Variants in KIAA1328 observed in about 807,000 individuals in gnomAD.
KIAA1328 encodes the protein KIAA1328, also known as protein hinderin.
A neutral mutation model predicts 68.1 loss-of-function variants in KIAA1328; 52 were observed. That is an observed-to-expected ratio of 0.76 (90% CI 0.61 to 0.96). The LOEUF (loss-of-function observed/expected upper bound fraction) is 0.96, where lower values mean the gene tolerates loss of function less well. Ranked by LOEUF, KIAA1328 falls within the 40% of genes least tolerant of loss-of-function variation. The pLI is 0.00. For synonymous variants in KIAA1328, 232 were observed against 239.4 expected (o/e 0.97, Z 0.28); for missense variants, 641 against 677.6 (o/e 0.95, Z 0.60).
In KIAA1328 at chr18:37,160,237, A is replaced by T; in HGVS notation, c.1270A>T (p.Thr424Ser). 1 of 1,613,328 alleles carries T rather than the reference A, an allele frequency of 6.2e-7. No individual in the cohort carries two copies. The highest frequency in any genetic ancestry group is 8.5e-7 in the Non-Finnish European group (1 of 1,179,592). Residue 424 changes from threonine to serine, a missense_variant, in exon 8 of 10, where the codon ACA (threonine) becomes TCA (serine). Coordinates refer to ENST00000280020, the MANE Select transcript of KIAA1328 (RefSeq NM_020776.3). Reference sequence around the variant, plus strand: ...AAACTGTGATGGCTGGCTGCTTGGAACATCATCATCTATTAAAAAGCACCA... The same window carrying T: ...AAACTGTGATGGCTGGCTGCTTGGATCATCATCATCTATTAAAAAGCACCA... The part of the protein sequence containing the change: ...KSNCDGWLLG[T>S]SSSIKKHQDP...
intron 4 of KIAA1328, among the ~76,000 whole-genome samples, chr18:36,855,111 G>C (rs1027431681): frequency 5.9e-5 from 9 of 152,076 alleles, no homozygotes; most frequent in Non-Finnish European, 8.8e-5. Context: ...GTGCTGTTAT[G>C]AACATTTATG....
intron 3 of KIAA1328, among the ~76,000 whole-genome samples, chr18:36,837,966 A>G (rs1435571524): frequency 6.6e-6 from 1 of 152,174 alleles, no homozygotes; most frequent in African/African-American, 2.4e-5. Flanking sequence ...GGAATTAGGA[A>G]GTATAAGTCC....
chr18:36,919,852 C>T lies in KIAA1328; in HGVS notation c.448+34180C>T, dbSNP rs751604162. 4.6e-5 allele frequency among the ~76,000 whole-genome samples: 7 copies of T among 152,180 alleles called. 1 individual carries two copies. The highest frequency in any genetic ancestry group is 9.6e-5 in the African/African-American group (4 of 41,536). On this transcript the variant is annotated intron_variant, in intron 5 of 9. Transcript: ENST00000280020. Reference sequence around the variant, plus strand: ...GAACTTTTTAAAATATATTTGTTGGCTGCATCTTTGTTTTCCTTTGAGAAG... The same window carrying T: ...GAACTTTTTAAAATATATTTGTTGGTTGCATCTTTGTTTTCCTTTGAGAAG...
intron 5 of KIAA1328, among the ~76,000 whole-genome samples, chr18:36,928,317 T>C (rs1344252072): frequency 6.6e-6 from 1 of 152,156 alleles, no homozygotes; most frequent in East Asian, 1.9e-4. Context: ...GAGTATGGAC[T>C]CTGGTGTGAC....
intron 9 of KIAA1328, among the ~76,000 whole-genome samples, chr18:37,220,827 G>C (rs1330414418): frequency 6.6e-6 from 1 of 152,142 alleles, no homozygotes; most frequent in Non-Finnish European, 1.5e-5. Context: ...TGTTTGGTTG[G>C]TTGGTTGGTT....
chr18:37,226,668 C>G (rs531346986), downstream of KIAA1328, among the ~76,000 whole-genome samples: 77 of 148,348 alleles, frequency 5.2e-4, no homozygotes, highest in African/African-American at 1.7e-3. Context: ...GAATATATGA[C>G]ATTTTTGTTT....
chr18:37,222,950 T>C lies in KIAA1328; in HGVS notation c.*723T>C, dbSNP rs1441294497. On this transcript the variant is annotated 3_prime_UTR_variant, in exon 10 of 10. Coordinates refer to ENST00000280020, the MANE Select transcript of KIAA1328 (RefSeq NM_020776.3). ...CAGTGGAGGCACAAGCCTGAAGCAC[T>C]CTTCTACCAATGTTTGGGTGACCAC... The C allele has an allele frequency of 1.9e-5, 19 of 985,352 alleles. No homozygotes were observed. The highest frequency in any genetic ancestry group is 2.3e-5 in the Non-Finnish European group (19 of 830,044). 61.0% of individuals were successfully genotyped at this position (985,352 alleles called of 1,614,324 possible).
intron 5 of KIAA1328, among the ~76,000 whole-genome samples, chr18:36,953,425 T>TAG (rs1598807539): frequency 6.7e-6 from 1 of 149,114 alleles, no homozygotes; most frequent in East Asian, 2.0e-4. Context: ...TAGATAGAGA[T>TAG]AGATAGATAT....
intron 5 of KIAA1328, among the ~76,000 whole-genome samples, chr18:36,945,392 C>G (rs917625720): frequency 1.3e-5 from 2 of 150,800 alleles, no homozygotes; most frequent in African/African-American, 4.9e-5. Context: ...ACAATAACCG[C>G]CCCCCCCACG....
At chr18:37,071,959 A>G (rs1421276560) in intron 7 of KIAA1328, among the ~76,000 whole-genome samples, 1 of 152,220 alleles carries the variant, frequency 6.6e-6, no homozygotes, top group Non-Finnish European at 1.5e-5. Flanking sequence ...CTAAACCAAA[A>G]AAAGCCTAAA....
At position 36,960,262 on chromosome 18, in the gene KIAA1328, G is replaced by A. The variant is rs147144033; in HGVS notation, c.576+827G>A. On this transcript the variant is annotated intron_variant, in intron 6 of 9. Transcript: ENST00000280020. ...GCTGCAGCCCGGCAGGGGGAGGGGC[G>A]TCGACCATTGCTGAGGCTTCAGTAG... Among the ~76,000 whole-genome samples, 76 of 152,298 alleles carry A rather than the reference G, an allele frequency of 5.0e-4. 2 individuals carry two copies. The South Asian group carries it at 0.016, about 31-fold the overall frequency.
Position 37,224,845 on chromosome 18 carries a change from G to A in KIAA1328, c.*2618G>A, listed in dbSNP as rs957750670. On this transcript the variant is annotated 3_prime_UTR_variant, in exon 10 of 10. Transcript: ENST00000280020. ...CCACCCTGCTGCCCAACTCCTGTGA[G>A]AGAAAAACCAATCAATGTTTACAAA... The A allele has an allele frequency of 1.0e-6, 1 of 985,366 alleles. No homozygotes were observed. Among genetic ancestry groups the A allele is most frequent in the Non-Finnish European group, 1.2e-6 (1 of 829,986 alleles). The allele number at this position is 985,366 out of a possible 1,614,324, so 61.0% of individuals were successfully genotyped here.
At chr18:36,904,172 C>T (rs993878609) in intron 5 of KIAA1328, among the ~76,000 whole-genome samples, 1 of 151,982 alleles carries the variant, frequency 6.6e-6, no homozygotes, top group Admixed American at 6.6e-5. Context: ...CTATTATTAC[C>T]GTTATTATCA....
intron 6 of KIAA1328, among the ~76,000 whole-genome samples, chr18:37,047,656 A>G (rs1016639421): frequency 6.6e-6 from 1 of 152,264 alleles, no homozygotes; most frequent in East Asian, 1.9e-4. Flanking sequence ...ATAAATGTCA[A>G]CTCTGCTATG....
intron 6 of KIAA1328, among the ~76,000 whole-genome samples, chr18:36,973,816 C>CACACACACACAT (rs1456601097): frequency 1.8e-4 from 18 of 99,692 alleles, no homozygotes; most frequent in East Asian, 4.3e-4. Context: ...CGCACATACA[C>CACACACACACAT]ACACACACAC....
intron 7 of KIAA1328, among the ~76,000 whole-genome samples, chr18:37,154,310 A>G (rs2059107185): frequency 1.3e-5 from 2 of 152,328 alleles, no homozygotes; most frequent in Admixed American, 6.5e-5. Context: ...CAAGCTGTGA[A>G]TCACTGCCTA....
chr18:36,871,615 T>C (rs368288680), intron 4 of KIAA1328, among the ~76,000 whole-genome samples: 1 of 152,004 alleles, frequency 6.6e-6, no homozygotes, highest in South Asian at 2.1e-4. Flanking sequence ...TAGGTAGGTA[T>C]GTGTAAATAA....
intron 6 of KIAA1328, among the ~76,000 whole-genome samples, chr18:37,010,991 T>A (rs2053960323): frequency 6.6e-6 from 1 of 152,178 alleles, no homozygotes; most frequent in African/African-American, 2.4e-5. Flanking sequence ...CCATATTCAC[T>A]TAAATTATAG....
intron 7 of KIAA1328, among the ~76,000 whole-genome samples, chr18:37,106,559 C>T (rs1271813783): frequency 1.3e-5 from 2 of 151,974 alleles, no homozygotes; most frequent in African/African-American, 2.4e-5. Flanking sequence ...GCTGGAACTA[C>T]AGGCGTGCCC....
Sources: gnomAD v4.1 joint callset for allele counts (sites outside exome capture counted in the v4.1 genomes callset) on GRCh38, gnomAD v4.1.1 for gene constraint, MANE v1.5 for transcripts, NCBI Gene and HGNC (gene_info 2026-07-23, HGNC 2026-07-21) for gene names.